GOLGA5: variants seen among roughly 807,000 people sequenced by gnomAD.
The protein encoded by GOLGA5 is golgin A5.
A neutral mutation model predicts 93.5 loss-of-function variants in GOLGA5; 50 were observed. The ratio of observed to expected loss-of-function variants is 0.53; its 90% CI spans 0.43 to 0.68. The LOEUF is 0.68. GOLGA5 is among the 30% of genes least tolerant of loss of function. The pLI, the probability that GOLGA5 is intolerant of heterozygous loss-of-function variation, is 0.00. For synonymous variants in GOLGA5, 312 were observed against 304.5 expected (o/e 1.02, Z -0.26); for missense variants, 760 against 856.4 (o/e 0.89, Z 1.40).
At chr14:92,825,629 G>A (rs896617617) in intron 9 of GOLGA5, among the ~76,000 whole-genome samples, 3 of 152,172 alleles carry the variant, frequency 2.0e-5, no homozygotes, top group Non-Finnish European at 4.4e-5. Context: ...GGGAGACCGA[G>A]GCAGGAGGAC....
Position 92,811,593 on chromosome 14 carries a change from C to T in GOLGA5, c.1159C>T (p.Gln387Ter). Reference sequence around the variant, plus strand: ...CCTTAATAAAGTGGAAATGGAACGTCAGAATTTAGCAGAAGCAATTACACT... The same window carrying T: ...CCTTAATAAAGTGGAAATGGAACGTTAGAATTTAGCAGAAGCAATTACACT... ...ARLNKVEMER[Q>*]NLAEAITLAE... is the part of the protein sequence containing the mutation. The change falls in exon 6 of 13, where the codon CAG (glutamine) becomes TAG (stop). Residue 387 changes from glutamine (Q) to a stop codon, truncating the protein, a stop_gained. Coordinates refer to ENST00000163416, the MANE Select transcript of GOLGA5 (RefSeq NM_005113.4). LOFTEE classifies it high-confidence loss of function. The T allele has an allele frequency of 6.2e-7, 1 of 1,613,440 alleles. No homozygotes were observed. The highest frequency in any genetic ancestry group is 8.5e-7 in the Non-Finnish European group (1 of 1,179,522).
chr14:92,827,185 T>G (rs11850971), intron 9 of GOLGA5, among the ~76,000 whole-genome samples: 485 of 152,356 alleles, frequency 3.2e-3, no homozygotes, highest in Middle Eastern at 0.014. Context: ...ACACCTTGTT[T>G]TATTGCATTT....
At chr14:92,798,044 C>G in intron 2 of GOLGA5, 63 bp downstream of exon 2, 1 of 1,063,802 alleles carries the variant, frequency 9.4e-7, no homozygotes, top group Admixed American at 2.3e-5. Context: ...ATCATATGAT[C>G]CGATGGTGTT....
chr14:92,823,976 T>C (rs966762289), intron 8 of GOLGA5, among the ~76,000 whole-genome samples: 24 of 152,258 alleles, frequency 1.6e-4, no homozygotes, highest in African/African-American at 4.3e-4. Flanking sequence ...TTGTTTTTGC[T>C]ACTATTATTT....
At chr14:92,819,597 C>A in intron 7 of GOLGA5, 111 bp from the exon 8 acceptor site, 1 of 949,710 alleles carries the variant, frequency 1.1e-6, no homozygotes, top group South Asian at 1.4e-5. Flanking sequence ...TGTGCCACTG[C>A]ACTCCAGCCT....
At chr14:92,818,548 A>G (rs1885254589) in intron 7 of GOLGA5, among the ~76,000 whole-genome samples, 1 of 152,210 alleles carries the variant, frequency 6.6e-6, no homozygotes, top group Admixed American at 6.5e-5. Flanking sequence ...AGATTAATCT[A>G]CCTTCTGCTA....
rs61440581 is a variant in GOLGA5, at chr14:92,816,321, G to A, written c.1391G>A (p.Ser464Asn). 6.2e-7 allele frequency: 1 copy of A among 1,613,782 alleles called. No homozygotes were observed. Among genetic ancestry groups the A allele is most frequent in the Admixed American group, 1.7e-5 (1 of 60,028 alleles). The change falls in exon 7 of 13, where the codon AGT becomes AAT. Residue 464 changes from serine to asparagine, a missense_variant. By Grantham distance (46) the Ser-to-Asn change is conservative (BLOSUM62 1). Coordinates refer to ENST00000163416, the MANE Select transcript of GOLGA5 (RefSeq NM_005113.4). The part of the protein sequence containing the change: ...GFEGLDSSTA[S>N]SMELEELRHE... The stretch of plus-strand genomic sequence containing the variant: ...GAAGGCCTAGATAGCAGCACTGCCA[G>A]TAGCATGGAGCTGGAAGAACTTCGG...
intron 9 of GOLGA5, among the ~76,000 whole-genome samples, chr14:92,827,054 A>G (rs1487730338): frequency 2.0e-5 from 3 of 152,182 alleles, no homozygotes; most frequent in African/African-American, 7.2e-5. Context: ...CTCTCTCTGT[A>G]TATATATATC....
In GOLGA5 at chr14:92,839,264, T is replaced by C. The variant is rs1458877124; in HGVS notation, c.2116-102T>C. 8.3e-6 allele frequency: 6 copies of C among 720,824 alleles called. No homozygotes were observed. The African/African-American group carries it at 8.6e-5, about 10-fold the overall frequency. The allele number at this position is 720,824 out of a possible 1,614,324, so 44.7% of individuals were successfully genotyped here. ...ATTCCTTCATGTGTCCCATAGGGGATACAGAGGCAGGTAAGACACAGTGCC... is the reference window on the plus strand; with the variant it reads ...ATTCCTTCATGTGTCCCATAGGGGACACAGAGGCAGGTAAGACACAGTGCC... On this transcript the variant is annotated intron_variant, in intron 12 of 12. Coordinates refer to ENST00000163416, the MANE Select transcript of GOLGA5 (RefSeq NM_005113.4).
chr14:92,833,417 T>C, intron 10 of GOLGA5, 70 bp downstream of exon 10: 1 of 1,123,914 alleles, frequency 8.9e-7, no homozygotes, highest in Non-Finnish European at 1.3e-6. Context: ...AGAAGGACTA[T>C]TTTTATTTGA....
intron 2 of GOLGA5, among the ~76,000 whole-genome samples, chr14:92,801,272 A>G (rs1267819467): frequency 1.3e-5 from 2 of 152,256 alleles, no homozygotes; most frequent in Non-Finnish European, 2.9e-5. Context: ...TACTCTAACC[A>G]GCTATGGTTA....
intron 9 of GOLGA5, among the ~76,000 whole-genome samples, chr14:92,828,570 A>G (rs947351132): frequency 4.6e-5 from 7 of 152,204 alleles, no homozygotes; most frequent in Non-Finnish European, 1.0e-4. Flanking sequence ...TGTTTCATCC[A>G]TTGTTTATGA....
At chr14:92,825,558 A>G (rs1415558748) in intron 9 of GOLGA5, among the ~76,000 whole-genome samples, 1 of 152,186 alleles carries the variant, frequency 6.6e-6, no homozygotes, top group Non-Finnish European at 1.5e-5. Flanking sequence ...GTATTGCACC[A>G]TTTTTGTTAA....
At chr14:92,821,501 T>C (rs1258248164) in intron 8 of GOLGA5, among the ~76,000 whole-genome samples, 1 of 152,154 alleles carries the variant, frequency 6.6e-6, no homozygotes, top group Non-Finnish European at 1.5e-5. Context: ...AGTGACAACA[T>C]TGTTATAGGC....
At chr14:92,803,552 C>A (rs1884919251) in intron 2 of GOLGA5, among the ~76,000 whole-genome samples, 1 of 152,168 alleles carries the variant, frequency 6.6e-6, no homozygotes, top group African/African-American at 2.4e-5. Flanking sequence ...AAGGTTTTAA[C>A]TATTGATTCA....
chr14:92,830,415 T>TC, intron 9 of GOLGA5, among the ~76,000 whole-genome samples: 1 of 151,820 alleles, frequency 6.6e-6, no homozygotes, highest in Non-Finnish European at 1.5e-5. Flanking sequence ...GTATTTTTTT[T>TC]TTTTAGCTTA....
In GOLGA5 at chr14:92,809,329, A is replaced by G; in HGVS notation, c.802A>G (p.Lys268Glu). The change falls in exon 4 of 13, where the codon AAG (lysine) becomes GAG (glutamate). Residue 268 changes from lysine (K) to glutamate (E), a missense_variant. Transcript: ENST00000163416. The stretch of plus-strand genomic sequence containing the variant: ...AAACAAAGCAAGAGCAAGAGTTGAA[A>G]AGTGGAATGCTGACCATTCAAAGAG... ...ELNKARARVE[K>E]WNADHSKSDR... The G allele has an allele frequency of 6.2e-7, 1 of 1,613,028 alleles. No individual in the cohort carries two copies.
chr14:92,816,982 C>A (rs534583914), intron 7 of GOLGA5, among the ~76,000 whole-genome samples: 2 of 151,880 alleles, frequency 1.3e-5, no homozygotes, highest in Admixed American at 1.3e-4. Flanking sequence ...GTTGCCCAGG[C>A]TGGAGTGCAG....
chr14:92,824,541 T>G lies in GOLGA5; in HGVS notation c.1621-5T>G. 1 of 1,513,130 alleles carries G rather than the reference T, an allele frequency of 6.6e-7. No homozygotes were observed. 93.7% of individuals were successfully genotyped at this position (1,513,130 alleles called of 1,614,324 possible). On this transcript the variant is annotated splice_region_variant and splice_polypyrimidine_tract_variant and intron_variant, in intron 8 of 12. Coordinates refer to ENST00000163416, the MANE Select transcript of GOLGA5 (RefSeq NM_005113.4). ...CTTCTGTTTTGTTTGTGCCTCACTT[T>G]GCAGGAGTTCCACTATATAGAAGAA...
Sources: allele counts gnomAD v4.1 joint callset (sites outside exome capture counted in the v4.1 genomes callset), GRCh38; gene constraint gnomAD v4.1.1; transcripts MANE v1.5; gene names NCBI Gene and HGNC (gene_info 2026-07-23, HGNC 2026-07-21).